LRRC4C: variants seen among roughly 807,000 people sequenced by gnomAD.
The protein encoded by LRRC4C is leucine-rich repeat-containing protein 4C.
A neutral mutation model predicts 33.6 loss-of-function variants in LRRC4C; 5 were observed. The ratio of observed to expected loss-of-function variants is 0.15; its 90% CI spans 0.08 to 0.31. The LOEUF is 0.31. LRRC4C is among the 10% of genes least tolerant of loss of function. LRRC4C has a pLI of 1.00. For missense variants in LRRC4C, 560 were observed against 796.7 expected (o/e 0.70, Z 3.58); for synonymous variants, 329 against 302.0 (o/e 1.09, Z -0.93).
At chr11:40,724,840 C>CTGTTAG (rs572759194) in intron 2 of LRRC4C, among the ~76,000 whole-genome samples, 257 of 152,158 alleles carry the variant, frequency 1.7e-3, no homozygotes, top group South Asian at 3.3e-3. Context: ...GGTTGATAGA[C>CTGTTAG]TGTTAGTTAG....
chr11:40,145,423 T>C (rs1176251938), intron 5 of LRRC4C, among the ~76,000 whole-genome samples: 3 of 152,174 alleles, frequency 2.0e-5, no homozygotes, highest in Non-Finnish European at 4.4e-5. Flanking sequence ...TTACATAAAC[T>C]TTTATGTCTC....
chr11:41,410,336 G>A (rs1954416023), intron 1 of LRRC4C, among the ~76,000 whole-genome samples: 1 of 151,626 alleles, frequency 6.6e-6, no homozygotes, highest in Non-Finnish European at 1.5e-5. Flanking sequence ...AACGAAATGA[G>A]TAGAAGTATG....
At chr11:40,222,571 A>G (rs1224912954) in intron 5 of LRRC4C, among the ~76,000 whole-genome samples, 2 of 152,188 alleles carry the variant, frequency 1.3e-5, no homozygotes, top group Non-Finnish European at 2.9e-5. Flanking sequence ...ACATTTACCT[A>G]TTTTCTCTAC....
intron 2 of LRRC4C, among the ~76,000 whole-genome samples, chr11:40,862,391 A>G (rs1954148105): frequency 6.6e-6 from 1 of 152,218 alleles, no homozygotes; most frequent in Non-Finnish European, 1.5e-5. Context: ...GGCATGTGCT[A>G]TTTGTAGGAG....
intron 2 of LRRC4C, among the ~76,000 whole-genome samples, chr11:40,762,832 C>T (rs1949284381): frequency 6.6e-6 from 1 of 151,794 alleles, no homozygotes; most frequent in Non-Finnish European, 1.5e-5. Flanking sequence ...ATTGTTGAAG[C>T]TTCTACACCA....
At chr11:40,869,743 C>A (rs1459632684) in intron 2 of LRRC4C, among the ~76,000 whole-genome samples, 1 of 152,140 alleles carries the variant, frequency 6.6e-6, no homozygotes, top group African/African-American at 2.4e-5. Context: ...GACGCAAGAA[C>A]CTGGAAGTTT....
chr11:40,988,126 A>C (rs577947067), intron 1 of LRRC4C, among the ~76,000 whole-genome samples: 66 of 152,216 alleles, frequency 4.3e-4, no homozygotes, highest in Admixed American at 7.8e-4. Flanking sequence ...CACAGGAGTA[A>C]AGCATTTTTT....
chr11:41,351,940 T>C (rs1197749996), intron 1 of LRRC4C, among the ~76,000 whole-genome samples: 1 of 152,144 alleles, frequency 6.6e-6, no homozygotes, highest in Non-Finnish European at 1.5e-5. Context: ...GGTACATAGA[T>C]GACTGACACT....
intron 1 of LRRC4C, among the ~76,000 whole-genome samples, chr11:40,946,810 T>C (rs1052262991): frequency 2.6e-5 from 4 of 152,154 alleles, no homozygotes; most frequent in African/African-American, 4.8e-5. Context: ...AACCACATAA[T>C]ATACATTCTT....
At chr11:41,047,867 T>TAC (rs138189491) in intron 1 of LRRC4C, among the ~76,000 whole-genome samples, 7 of 151,988 alleles carry the variant, frequency 4.6e-5, no homozygotes, top group East Asian at 1.9e-4. Context: ...GATGTGTATA[T>TAC]ACACACACAC....
At chr11:41,163,634 C>G (rs1944584246) in intron 1 of LRRC4C, among the ~76,000 whole-genome samples, 1 of 148,776 alleles carries the variant, frequency 6.7e-6, no homozygotes, top group Admixed American at 6.7e-5. Flanking sequence ...TTGTTTGAAA[C>G]AGAGTCTCTC....
intron 5 of LRRC4C, among the ~76,000 whole-genome samples, chr11:40,151,918 C>T (rs1858247582): frequency 6.6e-6 from 1 of 152,174 alleles, no homozygotes; most frequent in South Asian, 2.1e-4. Context: ...ATTTCAGCTT[C>T]AAAATTTACA....
intron 3 of LRRC4C, among the ~76,000 whole-genome samples, chr11:40,333,519 C>A (rs1946453310): frequency 1.3e-5 from 2 of 151,786 alleles, no homozygotes; most frequent in Admixed American, 1.3e-4. Context: ...GAGTTCGAGA[C>A]CAGCATGGCC....
At chr11:40,904,061 C>A (rs1055198112) in intron 2 of LRRC4C, among the ~76,000 whole-genome samples, 2 of 152,090 alleles carry the variant, frequency 1.3e-5, no homozygotes, top group Admixed American at 1.3e-4. Context: ...TGAATTGCTG[C>A]AATGTCAGAA....
At chr11:41,227,754 A>G (rs1406976128) in intron 1 of LRRC4C, among the ~76,000 whole-genome samples, 1 of 151,916 alleles carries the variant, frequency 6.6e-6, no homozygotes, top group Non-Finnish European at 1.5e-5. Flanking sequence ...CAATTTTTCT[A>G]CCTTTCTCCT....
chr11:40,380,235 GA>G (rs1354298327), intron 3 of LRRC4C, among the ~76,000 whole-genome samples: 2 of 152,186 alleles, frequency 1.3e-5, no homozygotes, highest in African/African-American at 4.8e-5. Context: ...TAGATGGAGA[GA>G]ACGATCATCT....
At chr11:40,281,211 T>G (rs1943452565) in intron 4 of LRRC4C, among the ~76,000 whole-genome samples, 2 of 152,174 alleles carry the variant, frequency 1.3e-5, no homozygotes, top group Non-Finnish European at 2.9e-5. Context: ...TGCACACCAC[T>G]GTGTAGATGT....
At chr11:40,817,986 GGTTT>G (rs1210411709) in intron 2 of LRRC4C, among the ~76,000 whole-genome samples, 3 of 151,890 alleles carry the variant, frequency 2.0e-5, no homozygotes, top group Admixed American at 1.3e-4. Context: ...GGATTTAATT[GGTTT>G]GTTTGTTTGT....
intron 5 of LRRC4C, among the ~76,000 whole-genome samples, chr11:40,175,271 A>C (rs1860381011): frequency 6.6e-6 from 1 of 152,264 alleles, no homozygotes. Context: ...AGTTGTATAG[A>C]TAACCTAAAT....
Sources: gnomAD v4.1 joint callset for allele counts (sites outside exome capture counted in the v4.1 genomes callset) on GRCh38, gnomAD v4.1.1 for gene constraint, MANE v1.5 for transcripts, NCBI Gene and HGNC (gene_info 2026-07-23, HGNC 2026-07-21) for gene names.